CPD: variants seen among roughly 807,000 people sequenced by gnomAD.
CPD encodes carboxypeptidase D, also known as metallocarboxypeptidase D.
In CPD, 69 loss-of-function variants were observed where a neutral mutation model predicts 138.3. The ratio of observed to expected loss-of-function variants is 0.50; its 90% CI spans 0.41 to 0.61. CPD has a LOEUF of 0.61. Ranked by LOEUF, CPD falls within the 20% of genes least tolerant of loss-of-function variation. CPD has a pLI of 0.00. For synonymous variants in CPD, 651 were observed against 642.1 expected, an observed-to-expected ratio of 1.01 and a Z score of -0.21; for missense variants, 1,432 against 1,733.3, an observed-to-expected ratio of 0.83 and a Z score of 3.09.
intron 2 of CPD, among the ~76,000 whole-genome samples, chr17:30,414,262 G>A (rs1008954440): frequency 2.5e-4 from 38 of 152,194 alleles, no homozygotes; most frequent in African/African-American, 9.2e-4. Flanking sequence ...GCAAGGGCAG[G>A]AACAGGGGAA....
rs974614819 is a variant in CPD, at chr17:30,379,807, C to T, written c.746+81C>T. ...TTCCGGCACCCAGTAGGCGCTCAGA[C>T]AATGCTGGCATAAGGGGTGGCGGTG... On this transcript the variant is annotated intron_variant, in intron 1 of 20. Transcript: ENST00000225719. This position sits in a 1 kb window ranked among gnomAD's most constrained non-coding sequence, Gnocchi z 7.0. The T allele has an allele frequency of 4.9e-6, 5 of 1,016,466 alleles. No homozygotes were observed. In the African/African-American group the frequency reaches 5.1e-5, roughly 10 times the overall value. 63.0% of individuals were successfully genotyped at this position (1,016,466 alleles called of 1,614,324 possible).
chr17:30,459,459 G>A (rs1474012641), intron 17 of CPD, among the ~76,000 whole-genome samples: 1 of 151,060 alleles, frequency 6.6e-6, no homozygotes, highest in Admixed American at 6.6e-5. Flanking sequence ...ACCTATGAGT[G>A]AGAACATGCG....
In CPD at chr17:30,405,857, T is replaced by C. The variant is rs573732421; in HGVS notation, c.995-14984T>C. On this transcript the variant is annotated intron_variant, in intron 2 of 20. Transcript: ENST00000225719. ...CAGTTGCAACAAAAAAATCTATGTTTTCATAATATTTATAAATTAATTTGG... is the reference window on the plus strand; with the variant it reads ...CAGTTGCAACAAAAAAATCTATGTTCTCATAATATTTATAAATTAATTTGG... Among the ~76,000 whole-genome samples, 34 of 152,194 alleles carry C rather than the reference T, an allele frequency of 2.2e-4. 1 individual carries two copies. The highest frequency in any genetic ancestry group is 2.1e-3 in the Admixed American group (32 of 15,282).
intron 5 of CPD, 111 bp downstream of exon 5, chr17:30,423,134 GA>G: frequency 1.3e-6 from 1 of 771,920 alleles, no homozygotes; most frequent in Non-Finnish European, 2.0e-6. Context: ...CTGGCATTAA[GA>G]AAACCTAACT....
intron 15 of CPD, 154 bp downstream of exon 15, chr17:30,455,624 G>C: frequency 1.4e-6 from 1 of 738,454 alleles, no homozygotes; most frequent in Non-Finnish European, 2.1e-6. Context: ...TACATCAGCA[G>C]TTCAGTTACT....
Position 30,379,138 on chromosome 17 carries a change from G to A in CPD, c.158G>A (p.Gly53Asp). Reference protein sequence around the residue: ...TTSAGAEAAEGQFDRYYHEEE... With the variant: ...TTSAGAEAAEDQFDRYYHEEE... ...AGCGCGGGCGCCGAGGCGGCCGAGG[G>A]CCAGTTCGACCGCTACTACCACGAA... Residue 53 changes from glycine (G) to aspartate (D), a missense_variant, in exon 1 of 21, where the codon GGC becomes GAC. Around this residue, in one of 6 missense-constraint regions of CPD, gnomAD observed 484 missense variants for 477.2 expected, o/e 1.01. Coordinates refer to ENST00000225719, the MANE Select transcript of CPD (RefSeq NM_001304.5). This position sits in a 1 kb window ranked among gnomAD's most constrained non-coding sequence, Gnocchi z 7.0. 1.3e-6 allele frequency: 2 copies of A among 1,538,562 alleles called. No homozygotes were observed. The highest frequency in any genetic ancestry group is 2.5e-5 in the East Asian group (1 of 39,514).
At chr17:30,453,070 T>C (rs1597735699) in intron 14 of CPD, among the ~76,000 whole-genome samples, 2 of 152,030 alleles carry the variant, frequency 1.3e-5, no homozygotes, top group Admixed American at 1.3e-4. Flanking sequence ...GAGATTTGAG[T>C]GGGGACACAG....
intron 8 of CPD, among the ~76,000 whole-genome samples, chr17:30,434,962 T>A (rs1912661548): frequency 6.6e-6 from 1 of 152,088 alleles, no homozygotes; most frequent in Non-Finnish European, 1.5e-5. Context: ...ACTTCACATA[T>A]AGACACTAAG....
intron 9 of CPD, among the ~76,000 whole-genome samples, chr17:30,442,070 T>A (rs1304964734): frequency 6.6e-6 from 1 of 152,108 alleles, no homozygotes; most frequent in Non-Finnish European, 1.5e-5. Context: ...AAGCTATTGA[T>A]TATTGCCACA....
At chr17:30,418,263 C>T (rs1912171380) in intron 2 of CPD, among the ~76,000 whole-genome samples, 1 of 152,048 alleles carries the variant, frequency 6.6e-6, no homozygotes, top group Non-Finnish European at 1.5e-5. Flanking sequence ...TCACTGCAGC[C>T]TTGAACTCCT....
intron 2 of CPD, among the ~76,000 whole-genome samples, chr17:30,409,718 T>C (rs1015512795): frequency 1.4e-5 from 2 of 145,988 alleles, no homozygotes; most frequent in Non-Finnish European, 3.0e-5. Context: ...TATCATTTTT[T>C]ATTGCATCTA....
chr17:30,425,339 T>G (rs1320019280), intron 6 of CPD, among the ~76,000 whole-genome samples: 2 of 152,138 alleles, frequency 1.3e-5, no homozygotes, highest in Non-Finnish European at 2.9e-5. Context: ...CTTAGTGAGC[T>G]TTATACAAGT....
At chr17:30,385,648 A>G (rs1364920936) in intron 2 of CPD, among the ~76,000 whole-genome samples, 2 of 152,024 alleles carry the variant, frequency 1.3e-5, no homozygotes, top group East Asian at 1.9e-4. Context: ...CTGTTTAACT[A>G]TATACTATTA....
At chr17:30,394,829 G>A (rs1911454748) in intron 2 of CPD, among the ~76,000 whole-genome samples, 1 of 152,070 alleles carries the variant, frequency 6.6e-6, no homozygotes, top group Non-Finnish European at 1.5e-5. Context: ...GCTTGGATTA[G>A]AAAGAATGGG....
chr17:30,464,390 TGTTA>T (rs1913575590), intron 20 of CPD, among the ~76,000 whole-genome samples, 194 bp from the exon 21 acceptor site: 1 of 152,156 alleles, frequency 6.6e-6, no homozygotes, highest in African/African-American at 2.4e-5. Flanking sequence ...TTTTGGCTTT[TGTTA>T]GTTTGCTTAT....
At chr17:30,455,907 G>A (rs530377749) in intron 15 of CPD, 20 of 267,270 alleles carry the variant, frequency 7.5e-5, no homozygotes, top group Non-Finnish European at 1.3e-4. Context: ...CTGTGGGGTC[G>A]CAGTATATGG....
At position 30,449,580 on chromosome 17, in the gene CPD, C is replaced by T. The variant is rs763133846; in HGVS notation, c.2901C>T (p.His967=). Reference sequence around the variant, plus strand: ...TGGGACAGAGCACTGAATATCGTCACATTTGGTCCCTTGAAATCTCCAATA... The same window carrying T: ...TGGGACAGAGCACTGAATATCGTCATATTTGGTCCCTTGAAATCTCCAATA... ...TNLGQSTEYR[H]IWSLEISNKP... The change falls in exon 13 of 21, where the codon CAC becomes CAT. Residue 967 remains histidine (H), a synonymous_variant. Transcript: ENST00000225719. 1.9e-6 allele frequency: 3 copies of T among 1,600,682 alleles called. No homozygotes were observed. The Admixed American group carries it at 5.4e-5, about 29-fold the overall frequency.
Position 30,449,611 on chromosome 17 carries a change from A to G in CPD, c.2932A>G (p.Asn978Asp). The change falls in exon 13 of 21, where the codon AAT becomes GAT. Residue 978 changes from asparagine (N) to aspartate (D), a missense_variant. Around this residue, in one of 6 missense-constraint regions of CPD, gnomAD observed 366 missense variants for 518.8 expected, o/e 0.71. Transcript: ENST00000225719. ...IWSLEISNKPNVSEPEEPKIR... is the reference protein window; with the variant it reads ...IWSLEISNKPDVSEPEEPKIR... ...GTCCCTTGAAATCTCCAATAAGCCC[A>G]ATGTATCTGAGCCTGAAGAACCAAA... 1 of 1,609,660 alleles carries G rather than the reference A, an allele frequency of 6.2e-7. No individual in the cohort carries two copies.
chr17:30,380,633 T>C (rs1346638293), intron 1 of CPD: 2 of 1,515,632 alleles, frequency 1.3e-6, no homozygotes, highest in Non-Finnish European at 1.8e-6. Flanking sequence ...ATGTTATAAA[T>C]ATTTATGAGG....
Sources: gnomAD v4.1 joint callset for allele counts (sites outside exome capture counted in the v4.1 genomes callset) on GRCh38, gnomAD v4.1.1 for gene constraint, gnomAD v4.1.1 regional missense constraint, Gnocchi (gnomAD v3.1) non-coding constraint, MANE v1.5 for transcripts, NCBI Gene and HGNC (gene_info 2026-07-23, HGNC 2026-07-21) for gene names.